Variants in FRAS1 observed in about 807,000 individuals in gnomAD.
The protein encoded by FRAS1 is extracellular matrix organizing protein FRAS1.
FRAS1 carries 290 observed loss-of-function variants against 435.2 expected under a neutral mutation model. That is an observed-to-expected ratio of 0.67 (90% CI 0.61 to 0.73). The LOEUF is 0.73. Ranked by LOEUF, FRAS1 falls within the 30% of genes least tolerant of loss-of-function variation. The pLI is 0.00. For synonymous variants in FRAS1, 1,800 were observed against 1,851.0 expected (o/e 0.97, Z 0.71); for missense variants, 4,860 against 5,001.5 (o/e 0.97, Z 0.85).
chr4:78,318,907 T>C lies in FRAS1; in HGVS notation c.2058T>C (p.Ser686=). The C allele has an allele frequency of 6.2e-7, 1 of 1,614,054 alleles. No homozygotes were observed. Among genetic ancestry groups the C allele is most frequent in the Admixed American group, 1.7e-5 (1 of 60,032 alleles). ...AAGGACTGCAAGTGGAGCAGCTGTCTGACGTGGGCATCCCCTCTGGCGAGT... is the reference window on the plus strand; with the variant it reads ...AAGGACTGCAAGTGGAGCAGCTGTCCGACGTGGGCATCCCCTCTGGCGAGT... ...PEEGLQVEQL[S]DVGIPSGECL... Residue 686 remains serine (S), a synonymous_variant, in exon 18 of 74, where the codon TCT becomes TCC. Coordinates refer to ENST00000512123, the MANE Select transcript of FRAS1 (RefSeq NM_025074.7).
intron 20 of FRAS1, among the ~76,000 whole-genome samples, chr4:78,342,977 A>G (rs970938476): frequency 6.6e-6 from 1 of 152,238 alleles, no homozygotes; most frequent in Non-Finnish European, 1.5e-5. Context: ...GAAGACAAAT[A>G]TCAGTAAAGA....
intron 2 of FRAS1, among the ~76,000 whole-genome samples, chr4:78,091,075 G>A (rs1266049426): frequency 2.6e-5 from 4 of 152,100 alleles, no homozygotes; most frequent in Non-Finnish European, 5.9e-5. Flanking sequence ...GCTGTCTGGG[G>A]TTCAAATTTG....
Position 78,318,893 on chromosome 4 carries a change from G to A in FRAS1, c.2044G>A (p.Val682Met). Residue 682 changes from valine to methionine, a missense_variant, in exon 18 of 74, where the codon GTG becomes ATG. Transcript: ENST00000512123. ...TAAGAAGCCAGAGGAAGGACTGCAA[G>A]TGGAGCAGCTGTCTGACGTGGGCAT... ...GCKKPEEGLQ[V>M]EQLSDVGIPS... The A allele has an allele frequency of 6.2e-7, 1 of 1,614,052 alleles. No individual in the cohort carries two copies. Among genetic ancestry groups the A allele is most frequent in the Non-Finnish European group, 8.5e-7 (1 of 1,179,886 alleles).
intron 58 of FRAS1, among the ~76,000 whole-genome samples, chr4:78,483,439 A>G (rs1365590566): frequency 1.3e-5 from 2 of 152,140 alleles, no homozygotes; most frequent in African/African-American, 4.8e-5. Context: ...TTGGTGGAGA[A>G]GATCAAGTGA....
intron 5 of FRAS1, among the ~76,000 whole-genome samples, chr4:78,254,333 A>G (rs1725689574): frequency 6.6e-6 from 1 of 152,200 alleles, no homozygotes; most frequent in South Asian, 2.1e-4. Context: ...TTCTCATTAA[A>G]AGGATACCTC....
At chr4:78,091,916 A>G (rs1379404824) in intron 2 of FRAS1, among the ~76,000 whole-genome samples, 2 of 144,802 alleles carry the variant, frequency 1.4e-5, no homozygotes, top group Non-Finnish European at 3.0e-5. Flanking sequence ...GGAGGCTAAG[A>G]TAGGAGGATC....
Position 78,337,917 on chromosome 4 carries a change from C to G in FRAS1, c.2422+100C>G, listed in dbSNP as rs1053323122. On this transcript the variant is annotated intron_variant, in intron 20 of 73. Transcript: ENST00000512123. ...GCTCTTTGTCCTCAGTTTATGAGCT[C>G]TTTTATAGGAGACATTTGTTTCATG... The G allele has an allele frequency of 1.2e-5, 13 of 1,130,084 alleles. No individual in the cohort carries two copies. In the African/African-American group the frequency reaches 2.0e-4, roughly 17 times the overall value. 70.0% of individuals were successfully genotyped at this position (1,130,084 alleles called of 1,614,324 possible). A position where few individuals can be genotyped will look rare whatever the true frequency, so the allele number is the denominator to read the frequency against.
intron 36 of FRAS1, 132 bp downstream of exon 36, chr4:78,429,358 C>G: frequency 3.5e-6 from 4 of 1,138,334 alleles, no homozygotes; most frequent in Non-Finnish European, 4.8e-6. Context: ...TCACCTGTAT[C>G]CTTCCTCCTG....
intron 2 of FRAS1, among the ~76,000 whole-genome samples, chr4:78,119,089 G>T (rs1284248617): frequency 6.6e-6 from 1 of 152,112 alleles, no homozygotes; most frequent in Non-Finnish European, 1.5e-5. Context: ...ATATATTCAT[G>T]AGGTACGTAA....
At chr4:78,227,448 A>G (rs1724322233) in intron 2 of FRAS1, among the ~76,000 whole-genome samples, 2 of 152,208 alleles carry the variant, frequency 1.3e-5, no homozygotes, top group Admixed American at 1.3e-4. Context: ...CCTGGTTAAC[A>G]TCATGAGGCT....
At chr4:78,413,407 T>C (rs1346275378) in intron 32 of FRAS1, among the ~76,000 whole-genome samples, 1 of 152,182 alleles carries the variant, frequency 6.6e-6, no homozygotes, top group Non-Finnish European at 1.5e-5. Context: ...AATCAATATT[T>C]GGGTATCATT....
At chr4:78,246,742 T>G (rs1032121618) in intron 4 of FRAS1, among the ~76,000 whole-genome samples, 7 of 100,808 alleles carry the variant, frequency 6.9e-5, no homozygotes, top group Non-Finnish European at 1.6e-4. Context: ...GTCCAGGATC[T>G]GGGGGAAAAA....
intron 73 of FRAS1, among the ~76,000 whole-genome samples, chr4:78,540,017 T>G (rs1042320619): frequency 1.3e-5 from 2 of 152,226 alleles, no homozygotes; most frequent in East Asian, 3.8e-4. Context: ...AAATACTTGA[T>G]GATATAGCCT....
intron 20 of FRAS1, among the ~76,000 whole-genome samples, chr4:78,358,460 T>G (rs372636): frequency 0.17 from 25,756 of 152,106 alleles, 2,858 homozygotes; most frequent in African/African-American, 0.32. Flanking sequence ...GGTTAAAATG[T>G]TATGCTCTGG....
chr4:78,464,709 A>G, intron 49 of FRAS1, 126 bp downstream of exon 49: 1 of 989,120 alleles, frequency 1.0e-6, no homozygotes, highest in Middle Eastern at 3.2e-4. Flanking sequence ...GCATCCTTGA[A>G]GGATTAAAAT....
intron 70 of FRAS1, among the ~76,000 whole-genome samples, chr4:78,532,795 G>C (rs1471397001): frequency 1.3e-5 from 2 of 152,102 alleles, no homozygotes; most frequent in East Asian, 3.8e-4. Context: ...CATCCATGTG[G>C]TCACGAATGG....
intron 58 of FRAS1, among the ~76,000 whole-genome samples, chr4:78,488,058 G>C (rs1476859421): frequency 6.6e-6 from 1 of 152,048 alleles, no homozygotes; most frequent in Non-Finnish European, 1.5e-5. Flanking sequence ...GCTTGAACCC[G>C]GGAGGTAGAG....
intron 23 of FRAS1, among the ~76,000 whole-genome samples, chr4:78,370,613 T>G (rs1235900422): frequency 6.6e-6 from 1 of 152,222 alleles, no homozygotes; most frequent in Admixed American, 6.5e-5. Context: ...GTGTTTGCAT[T>G]TACAACTTGA....
chr4:78,370,045 A>T, intron 23 of FRAS1, 61 bp downstream of exon 23: 1 of 1,514,290 alleles, frequency 6.6e-7, no homozygotes, highest in Non-Finnish European at 9.0e-7. Flanking sequence ...TTTACTACTG[A>T]TGTCTAGTTT....
Sources: gnomAD v4.1 joint callset for allele counts (sites outside exome capture counted in the v4.1 genomes callset) on GRCh38, gnomAD v4.1.1 for gene constraint, MANE v1.5 for transcripts, NCBI Gene and HGNC (gene_info 2026-07-23, HGNC 2026-07-21) for gene names.